PLCXD1: variants seen among roughly 807,000 people sequenced by gnomAD.
PLCXD1 encodes phosphatidylinositol specific phospholipase C X domain containing 1.
Under a neutral mutation model 37.8 loss-of-function variants are expected in PLCXD1, and 45 were observed. The ratio of observed to expected loss-of-function variants is 1.19; its 90% CI spans 0.94 to 1.53. The LOEUF (loss-of-function observed/expected upper bound fraction) is 1.53. Among genes scored for constraint, PLCXD1 ranks in the 40% most tolerant of loss-of-function variants. The probability of loss-of-function intolerance (pLI) is 0.00; values close to 1 mark genes in which losing one functional copy is unlikely to be tolerated. For synonymous variants in PLCXD1, 246 were observed against 206.9 expected (o/e 1.19, Z -1.62); for missense variants, 539 against 454.7 (o/e 1.19, Z -1.69).
At position 288,706 on chromosome X, in the gene PLCXD1, A is replaced by ACG. The variant is rs769911285; in HGVS notation, c.128-27_128-26insCG. 190 of 1,612,304 alleles carry ACG rather than the reference A, an allele frequency of 1.2e-4. No individual in the cohort carries two copies. The Middle Eastern group carries it at 4.7e-3, about 40-fold the overall frequency. ...GTGGCGGGGACGGACTCGTGGTGAC[A>ACG]TGTCCGCGTGTGTGCTTTGCTCTCA... On this transcript the variant is annotated intron_variant, in intron 2 of 6. Transcript: ENST00000381657.
At chrX:276,631 G>T (rs1158748220), upstream of PLCXD1, among the ~76,000 whole-genome samples, 1 of 152,176 alleles carries the variant, frequency 6.6e-6, no homozygotes, top group African/African-American at 2.4e-5. Flanking sequence ...CTTGCAGACC[G>T]TGAATTCTCT....
upstream of PLCXD1, among the ~76,000 whole-genome samples, chrX:279,421 C>T (rs933197827): frequency 7.2e-5 from 11 of 152,114 alleles, no homozygotes; most frequent in South Asian, 2.1e-4. Flanking sequence ...GGTGGTGAGG[C>T]GGGCTTCCAG....
chrX:290,622 G>C (rs779256176), intron 3 of PLCXD1, 26 bp from the exon 4 acceptor site: 1 of 1,612,850 alleles, frequency 6.2e-7, no homozygotes, highest in African/African-American at 1.3e-5. Context: ...CAGCCAGGCA[G>C]ACATGACAGC....
rs1556024865 is a variant in PLCXD1, at chrX:302,280, C to CCA, written c.*2945_*2946insCA. The CCA allele has an allele frequency of 3.3e-5, 5 of 152,000 alleles. No homozygotes were observed. Among genetic ancestry groups the CCA allele is most frequent in the Middle Eastern group, 3.1e-3 (1 of 318 alleles). The allele number at this position is 152,000 out of a possible 1,614,324, so 9.4% of individuals were successfully genotyped here. A position where few individuals can be genotyped will look rare whatever the true frequency, so the allele number is the denominator to read the frequency against. ...ACAGGTACAAGGGAGACCCCCCCCCCACGGAAGGCGCCCCCAGTCCGTGTG... is the reference window on the plus strand; with the variant it reads ...ACAGGTACAAGGGAGACCCCCCCCCCCAACGGAAGGCGCCCCCAGTCCGTGTG... On this transcript the variant is annotated 3_prime_UTR_variant, in exon 7 of 7. Coordinates refer to ENST00000381657, the MANE Select transcript of PLCXD1 (RefSeq NM_018390.4).
At position 299,113 on chromosome X, in the gene PLCXD1, C is replaced by G. The variant is rs371375767; in HGVS notation, c.750C>G (p.Ala250=). The G allele has an allele frequency of 6.2e-7, 1 of 1,613,588 alleles. No individual in the cohort carries two copies. The highest frequency in any genetic ancestry group is 1.3e-5 in the African/African-American group (1 of 74,884). Residue 250 remains alanine, a synonymous_variant, in exon 7 of 7, where the codon GCC becomes GCG. Transcript: ENST00000381657. ...SCGRPGGLFV[A]GINLTENLQY... ...CCGTTGCAGGAGGGTTGTTCGTGGC[C>G]GGCATCAACCTCACGGAGAACCTGC...
intron 2 of PLCXD1, among the ~76,000 whole-genome samples, chrX:286,765 G>C (rs1396172065): frequency 2.6e-5 from 4 of 152,146 alleles, no homozygotes; most frequent in Non-Finnish European, 5.9e-5. Flanking sequence ...TAACTCCCAG[G>C]GCTGGGTGGT....
In PLCXD1 at chrX:299,166, C is replaced by T. The variant is rs148285596; in HGVS notation, c.803C>T (p.Ser268Phe). The stretch of plus-strand genomic sequence containing the variant: ...TACGTTCTGGCGCACCCGTCCGAGT[C>T]CCTGGAGAAGATGACGCTGCCCAAC... Reference protein sequence around the residue: ...LQYVLAHPSESLEKMTLPNLP... With the variant: ...LQYVLAHPSEFLEKMTLPNLP... Residue 268 changes from serine (S) to phenylalanine (F), a missense_variant, in exon 7 of 7, where the codon TCC (serine) becomes TTC (phenylalanine). Physicochemically the swap from Ser to Phe is radical, Grantham distance 155. Transcript: ENST00000381657. 8.7e-6 allele frequency: 14 copies of T among 1,613,824 alleles called. No individual in the cohort carries two copies. The highest frequency in any genetic ancestry group is 6.7e-5 in the African/African-American group (5 of 74,906).
rs758708818 is a variant in PLCXD1 at position 291,670 on chromosome X, A to T, written c.549+16A>T. 2 of 1,611,624 alleles carry T rather than the reference A, an allele frequency of 1.2e-6. No homozygotes were observed. The highest frequency in any genetic ancestry group is 4.5e-5 in the East Asian group (2 of 44,870). ...TCCTCGTGGGGTGAGGAGGGGAAGG[A>T]TATCCGCACGTCTCTCCCGGGGCAG... On this transcript the variant is annotated intron_variant, in intron 5 of 6. Coordinates refer to ENST00000381657, the MANE Select transcript of PLCXD1 (RefSeq NM_018390.4).
chrX:286,251 G>A (rs1360258895), intron 2 of PLCXD1, among the ~76,000 whole-genome samples: 1 of 152,058 alleles, frequency 6.6e-6, no homozygotes, highest in Non-Finnish European at 1.5e-5. Context: ...TTTTAGCAGA[G>A]ATGGGGTTTC....
rs2069998618 is a variant in PLCXD1, at chrX:300,893, G to C, written c.*1558G>C. Reference sequence around the variant, plus strand: ...TAATTTCATATATTTAGTAGAGACGGGGTTTCTCCGCGTTGGTCAGGCCGT... The same window carrying C: ...TAATTTCATATATTTAGTAGAGACGCGGTTTCTCCGCGTTGGTCAGGCCGT... On this transcript the variant is annotated 3_prime_UTR_variant, in exon 7 of 7. Coordinates refer to ENST00000381657, the MANE Select transcript of PLCXD1 (RefSeq NM_018390.4). 1 of 152,002 alleles carries C rather than the reference G, an allele frequency of 6.6e-6. No homozygotes were observed. The highest frequency in any genetic ancestry group is 2.1e-4 in the South Asian group (1 of 4,820). 9.4% of individuals were successfully genotyped at this position (152,002 alleles called of 1,614,324 possible).
Position 299,586 on chromosome X carries a change from C to T in PLCXD1, c.*251C>T, listed in dbSNP as rs183919368. 2,064 of 572,616 alleles carry T rather than the reference C, an allele frequency of 3.6e-3. 8 individuals are homozygous for T. The highest frequency in any genetic ancestry group is 4.8e-3 in the Non-Finnish European group (1,568 of 323,364). The allele number at this position is 572,616 out of a possible 1,614,324, so 35.5% of individuals were successfully genotyped here. On this transcript the variant is annotated 3_prime_UTR_variant, in exon 7 of 7. Transcript: ENST00000381657. ...CAGCCTGACCAACATGGTGAAATCC[C>T]ATCTCTACTAAAAATACAAAACTTA...
At chrX:291,715 C>T (rs1228545927) in intron 5 of PLCXD1, 61 bp downstream of exon 5, 3 of 1,556,264 alleles carry the variant, frequency 1.9e-6, no homozygotes, top group Admixed American at 1.7e-5. Flanking sequence ...CAGCCTCAGA[C>T]TCCATTTGCT....
intron 3 of PLCXD1, 21 bp downstream of exon 3, chrX:288,890 T>C (rs2069541117): frequency 6.2e-7 from 1 of 1,610,230 alleles, no homozygotes; most frequent in African/African-American, 1.3e-5. Context: ...TGCCCCGTGC[T>C]GCTGACCTGG....
At chrX:278,245 C>T (rs776663180), upstream of PLCXD1, among the ~76,000 whole-genome samples, 24 of 135,090 alleles carry the variant, frequency 1.8e-4, no homozygotes, top group South Asian at 2.6e-3. Flanking sequence ...ATGAAGGTGA[C>T]GGGAGGGGAG....
chrX:285,669 A>G (rs1288344055), intron 2 of PLCXD1, among the ~76,000 whole-genome samples: 1 of 152,132 alleles, frequency 6.6e-6, no homozygotes, highest in Non-Finnish European at 1.5e-5. Context: ...ACGTAGACAC[A>G]CGTCCATGCA....
chrX:287,903 A>C lies in PLCXD1; in HGVS notation c.128-830A>C, dbSNP rs148222727. On this transcript the variant is annotated intron_variant, in intron 2 of 6. Transcript: ENST00000381657. ...AGTGAGCACACGTCAGGAGGCGGCA[A>C]AGAACAGAAATTTACTCTCTCCCAG... is the stretch of plus-strand genomic sequence containing the variant. 5.3e-3 allele frequency among the ~76,000 whole-genome samples: 807 copies of C among 152,088 alleles called. 4 individuals are homozygous for C. Among genetic ancestry groups the C allele is most frequent in the African/African-American group, 0.019 (768 of 41,490 alleles).
chrX:290,379 C>G (rs1459618838), intron 3 of PLCXD1, among the ~76,000 whole-genome samples: 1 of 151,164 alleles, frequency 6.6e-6, no homozygotes. Flanking sequence ...GCAGTGAGCC[C>G]AGATTGCACC....
At chrX:292,920 C>G in intron 5 of PLCXD1, 115 bp from the exon 6 acceptor site, 1 of 672,376 alleles carries the variant, frequency 1.5e-6, no homozygotes, top group Non-Finnish European at 2.5e-6. Context: ...GCCAGAATTT[C>G]ATTTTTGGTT....
chrX:294,247 C>G (rs975295833), intron 6 of PLCXD1, among the ~76,000 whole-genome samples: 1 of 152,192 alleles, frequency 6.6e-6, no homozygotes, highest in Non-Finnish European at 1.5e-5. Context: ...CTTCGGGAGG[C>G]CGAGGCGGGC....
Sources: gnomAD v4.1 joint callset for allele counts (sites outside exome capture counted in the v4.1 genomes callset) on GRCh38, gnomAD v4.1.1 for gene constraint, MANE v1.5 for transcripts, NCBI Gene and HGNC (gene_info 2026-07-23, HGNC 2026-07-21) for gene names.